SUSD5: variants seen among roughly 807,000 people sequenced by gnomAD.
SUSD5 encodes sushi domain-containing protein 5.
SUSD5 carries 33 observed loss-of-function variants against 29.5 expected under a neutral mutation model. The observed-to-expected ratio is 1.12, with a 90% CI of 0.85 to 1.49. The LOEUF (loss-of-function observed/expected upper bound fraction) is 1.49. SUSD5 is among the 40% of genes most tolerant of loss of function. SUSD5 has a pLI of 0.00. For missense variants in SUSD5, 776 were observed against 800.6 expected, an observed-to-expected ratio of 0.97 and a Z score of 0.37; for synonymous variants, 308 against 325.3, an observed-to-expected ratio of 0.95 and a Z score of 0.57.
At chr3:33,184,888 C>T (rs1456809024) in intron 3 of SUSD5, among the ~76,000 whole-genome samples, 6 of 152,194 alleles carry the variant, frequency 3.9e-5, no homozygotes, top group Admixed American at 2.0e-4. Flanking sequence ...TCAATGTTCC[C>T]GCCCTATCTG....
chr3:33,177,140 A>T (rs2031569641), intron 3 of SUSD5, among the ~76,000 whole-genome samples: 1 of 152,314 alleles, frequency 6.6e-6, no homozygotes, highest in Admixed American at 6.5e-5. Context: ...GAGGTTGCAA[A>T]TTTTTTTGTG....
At chr3:33,163,875 C>T (rs2031245779) in intron 4 of SUSD5, among the ~76,000 whole-genome samples, 1 of 152,166 alleles carries the variant, frequency 6.6e-6, no homozygotes, top group African/African-American at 2.4e-5. Context: ...TGGCAGGCAC[C>T]TGTAGTCCCA....
chr3:33,161,346 T>A (rs935636885), intron 4 of SUSD5, among the ~76,000 whole-genome samples: 1 of 152,156 alleles, frequency 6.6e-6, no homozygotes, highest in African/African-American at 2.4e-5. Context: ...CTGTTATAAT[T>A]TCTAGAGTAA....
In SUSD5 at chr3:33,151,854, ACTC is replaced by A. The variant is rs2030904787; in HGVS notation, c.*885_*887del. 1.3e-5 allele frequency: 2 copies of A among 152,236 alleles called. No individual in the cohort carries two copies. Among genetic ancestry groups the A allele is most frequent in the East Asian group, 1.9e-4 (1 of 5,186 alleles). The allele number at this position is 152,236 out of a possible 1,614,324, so 9.4% of individuals were successfully genotyped here. ...AACAGAGGGGGATGTGTGTTTCTTC[ACTC>A]CTCAACTCCCCCAACAAAATGTCAG... On this transcript the variant is annotated 3_prime_UTR_variant, in exon 5 of 5. Coordinates refer to ENST00000309558, the MANE Select transcript of SUSD5 (RefSeq NM_015551.2).
chr3:33,160,633 A>C (rs1228092563), intron 4 of SUSD5, among the ~76,000 whole-genome samples: 1 of 152,210 alleles, frequency 6.6e-6, no homozygotes, highest in Non-Finnish European at 1.5e-5. Context: ...AAGTGAGTGC[A>C]ATAAAACAAA....
chr3:33,218,208 C>T (rs1401690310), intron 1 of SUSD5, among the ~76,000 whole-genome samples: 1 of 152,210 alleles, frequency 6.6e-6, no homozygotes, highest in Admixed American at 6.5e-5. Context: ...GCCATTCTCT[C>T]TCTCTTAGCC....
chr3:33,171,343 C>CA (rs1480503834), intron 4 of SUSD5, among the ~76,000 whole-genome samples: 1 of 130,732 alleles, frequency 7.6e-6, no homozygotes, highest in African/African-American at 2.7e-5. Flanking sequence ...GAGACTCCTT[C>CA]TTAAAAAAAA....
chr3:33,205,341 C>T (rs1211988204), intron 3 of SUSD5, among the ~76,000 whole-genome samples: 1 of 152,050 alleles, frequency 6.6e-6, no homozygotes, highest in Non-Finnish European at 1.5e-5. Flanking sequence ...GTTGCTTAGC[C>T]TTTTTTATTC....
rs529317806 is a variant in SUSD5, at chr3:33,156,703, G to T, written c.599-2670C>A. Among the ~76,000 whole-genome samples the T allele has an allele frequency of 8.1e-4, 124 of 152,328 alleles. 1 individual carries two copies. The highest frequency in any genetic ancestry group is 1.4e-3 in the Non-Finnish European group (97 of 68,030). ...AGCCAAGGTCTAGATGGAATGCTGA[G>T]GTGTCATGTGGTGCATTCCTGGGCT... On this transcript the variant is annotated intron_variant, in intron 4 of 4. Coordinates refer to ENST00000309558, the MANE Select transcript of SUSD5 (RefSeq NM_015551.2).
chr3:33,150,564 A>C lies in SUSD5; in HGVS notation c.*2178T>G, dbSNP rs148804908. On this transcript the variant is annotated 3_prime_UTR_variant, in exon 5 of 5. Transcript: ENST00000309558. ...TACAGTCTCTGGCTTTTATTCTATT[A>C]TGTTTTGCTTTGGCTACATGCAGAA... 9.7e-4 allele frequency: 148 copies of C among 152,284 alleles called. 1 individual carries two copies. Among genetic ancestry groups the C allele is most frequent in the African/African-American group, 3.5e-3 (145 of 41,568 alleles). 9.4% of individuals were successfully genotyped at this position (152,284 alleles called of 1,614,324 possible).
At chr3:33,203,677 C>A (rs1032958758) in intron 3 of SUSD5, among the ~76,000 whole-genome samples, 1 of 152,150 alleles carries the variant, frequency 6.6e-6, no homozygotes, top group African/African-American at 2.4e-5. Context: ...CTCAGGGAGC[C>A]CAAAAGCTGA....
At chr3:33,171,088 T>A (rs1452327383) in intron 4 of SUSD5, among the ~76,000 whole-genome samples, 1 of 152,230 alleles carries the variant, frequency 6.6e-6, no homozygotes, top group African/African-American at 2.4e-5. Flanking sequence ...ACACCTGCAA[T>A]CCCAGCACTT....
intron 3 of SUSD5, among the ~76,000 whole-genome samples, chr3:33,176,479 C>T (rs1575533678): frequency 1.3e-5 from 2 of 152,294 alleles, no homozygotes; most frequent in East Asian, 3.9e-4. Context: ...AATGAGTGTT[C>T]CTGTTGCTCC....
At chr3:33,216,802 G>A (rs1031254282) in intron 1 of SUSD5, among the ~76,000 whole-genome samples, 2 of 152,060 alleles carry the variant, frequency 1.3e-5, no homozygotes, top group African/African-American at 4.8e-5. Context: ...AGGAACTGGT[G>A]GCAGCTAAGA....
chr3:33,171,064 G>A (rs779657042), intron 4 of SUSD5, among the ~76,000 whole-genome samples: 14 of 152,288 alleles, frequency 9.2e-5, no homozygotes, highest in East Asian at 7.7e-4. Context: ...ACTATGGGCC[G>A]GGTGCAGTGG....
intron 4 of SUSD5, among the ~76,000 whole-genome samples, chr3:33,159,593 G>T (rs528771533): frequency 3.3e-5 from 5 of 152,080 alleles, no homozygotes; most frequent in Non-Finnish European, 7.4e-5. Flanking sequence ...TTATGAGCAG[G>T]GTGCATTACA....
chr3:33,166,205 T>C (rs961886715), intron 4 of SUSD5, among the ~76,000 whole-genome samples: 2 of 152,212 alleles, frequency 1.3e-5, no homozygotes, highest in Non-Finnish European at 2.9e-5. Context: ...TATTTGTATC[T>C]TGACCAAAAA....
rs376431363 is a variant in SUSD5 at position 33,165,694 on chromosome 3, C to A, written c.598+9192G>T. On this transcript the variant is annotated intron_variant, in intron 4 of 4. Transcript: ENST00000309558. ...AGGCTTGCCTAAAATTTCACCTCAT[C>A]ATGTTCAGTGGTAGAAGAAAAAAGA... 3.3e-4 allele frequency among the ~76,000 whole-genome samples: 51 copies of A among 152,280 alleles called. No individual in the cohort carries two copies. The South Asian group carries it at 7.3e-3, about 22-fold the overall frequency.
At chr3:33,210,228 C>T (rs13327039) in intron 2 of SUSD5, among the ~76,000 whole-genome samples, 2,626 of 152,244 alleles carry the variant, frequency 0.017, 80 homozygotes, top group African/African-American at 0.06. Flanking sequence ...CATCTCAATC[C>T]GAATTCATGG....
Sources: allele counts gnomAD v4.1 joint callset (sites outside exome capture counted in the v4.1 genomes callset), GRCh38; gene constraint gnomAD v4.1.1; transcripts MANE v1.5; gene names NCBI Gene and HGNC (gene_info 2026-07-23, HGNC 2026-07-21).